SPRED2: variants seen among roughly 807,000 people sequenced by gnomAD.
The protein encoded by SPRED2 is sprouty related EVH1 domain containing 2.
In SPRED2, 47 loss-of-function variants were observed where a neutral mutation model predicts 43.0. The observed-to-expected ratio is 1.09, with a 90% confidence interval of 0.87 to 1.40. The LOEUF is 1.40. Among genes scored for constraint, SPRED2 ranks in the 40% most tolerant of loss-of-function variants. The pLI is 0.00. For synonymous variants in SPRED2, 225 were observed against 225.7 expected, an observed-to-expected ratio of 1.00 and a Z score of 0.03; for missense variants, 561 against 586.4, an observed-to-expected ratio of 0.96 and a Z score of 0.45.
At chr2:65,308,600 G>A, downstream of SPRED2, 1 of 985,092 alleles carries the variant, frequency 1.0e-6, no homozygotes, top group Non-Finnish European at 1.2e-6. Flanking sequence ...GACTGAGAAA[G>A]GAACTAGCAT....
chr2:65,430,593 T>C (rs986866454), intron 1 of SPRED2, among the ~76,000 whole-genome samples: 6 of 152,300 alleles, frequency 3.9e-5, no homozygotes, highest in African/African-American at 1.2e-4. Context: ...CCCAGCACTC[T>C]TGAGGCTCAA....
chr2:65,404,201 G>A (rs903967688), intron 1 of SPRED2, among the ~76,000 whole-genome samples: 6 of 114,178 alleles, frequency 5.3e-5, no homozygotes, highest in South Asian at 2.9e-4. Context: ...GTGAGACTCC[G>A]TCTCAAAAAA....
chr2:65,392,994 G>A (rs565641554), intron 1 of SPRED2, among the ~76,000 whole-genome samples: 1 of 152,162 alleles, frequency 6.6e-6, no homozygotes, highest in Non-Finnish European at 1.5e-5. Context: ...AAGGAACTTC[G>A]AGGAGCCTGC....
intron 1 of SPRED2, chr2:65,366,887 C>G: frequency 1.4e-6 from 1 of 705,322 alleles, no homozygotes. Flanking sequence ...CTGACAGATG[C>G]GTTTTCCAAT....
intron 1 of SPRED2, among the ~76,000 whole-genome samples, chr2:65,405,215 G>C (rs1488017274): frequency 2.0e-5 from 3 of 152,192 alleles, no homozygotes; most frequent in Admixed American, 1.3e-4. Flanking sequence ...GCAGAATCAG[G>C]ACTTAATGAC....
At chr2:65,308,096 G>C (rs1259374715), downstream of SPRED2, among the ~76,000 whole-genome samples, 1 of 152,214 alleles carries the variant, frequency 6.6e-6, no homozygotes, top group African/African-American at 2.4e-5. Context: ...TTTCTGGGGG[G>C]TGTCCACCAT....
In SPRED2 at chr2:65,344,799, C is replaced by T. The variant is rs1379401472; in HGVS notation, c.124G>A (p.Gly42Arg). 2 of 1,614,008 alleles carry T rather than the reference C, an allele frequency of 1.2e-6. No individual in the cohort carries two copies. Among genetic ancestry groups the T allele is most frequent in the African/African-American group, 1.3e-5 (1 of 74,914 alleles). The part of the protein sequence containing the change: ...PQEGGGISRV[G>R]VCKVMHPEGN... ...TCGGGGTGCATGACCTTACAGACCCCGACGCGACTGATCCCGCCTCCTTCC... is the reference window on the plus strand; with the variant it reads ...TCGGGGTGCATGACCTTACAGACCCTGACGCGACTGATCCCGCCTCCTTCC... The change falls in exon 2 of 6, where the codon GGG (glycine) becomes AGG (arginine). Residue 42 changes from glycine (G) to arginine (R), a missense_variant. Gly to Arg is a moderately radical substitution (Grantham distance 125). Around this residue, in one of 6 missense-constraint regions of SPRED2, gnomAD observed 305 missense variants for 282.4 expected, o/e 1.08. Transcript: ENST00000356388.
intron 1 of SPRED2, among the ~76,000 whole-genome samples, chr2:65,402,062 G>T (rs373633440): frequency 6.6e-6 from 1 of 151,308 alleles, no homozygotes; most frequent in Admixed American, 6.6e-5. Context: ...TCTGTGCAGG[G>T]AGGCCAGGAG....
rs757268344 is a variant in SPRED2, at chr2:65,316,900, A to G, written c.439-17T>C. On this transcript the variant is annotated splice_polypyrimidine_tract_variant and intron_variant, in intron 4 of 5. Transcript: ENST00000356388. ...TGTAGCTGTCTGTGTAGAGGGAGGT[A>G]ACCAAGAGTCAATTTAAAAACAACA... 9 of 1,598,554 alleles carry G rather than the reference A, an allele frequency of 5.6e-6. No individual in the cohort carries two copies. Among genetic ancestry groups the G allele is most frequent in the South Asian group, 5.5e-5 (5 of 90,312 alleles).
chr2:65,356,557 T>TTG lies in SPRED2; in HGVS notation c.27-11663_27-11662dup, dbSNP rs72469383. ...CCCTCTTTTTTTTTTTTTTTTTTTT[T>TTG]TGTGTGTGTGTACCTGCTATCTACC... On this transcript the variant is annotated intron_variant, in intron 1 of 5. Coordinates refer to ENST00000356388, the MANE Select transcript of SPRED2 (RefSeq NM_181784.3). Among the ~76,000 whole-genome samples the TTG allele has an allele frequency of 1.5e-3, 188 of 122,628 alleles. 3 individuals carry two copies. The highest frequency in any genetic ancestry group is 2.2e-3 in the African/African-American group (63 of 28,542). 80.4% of individuals were successfully genotyped at this position (122,628 alleles called of 152,430 possible).
chr2:65,308,579 A>T (rs1004855408), downstream of SPRED2: 1 of 985,324 alleles, frequency 1.0e-6, no homozygotes, highest in African/African-American at 1.7e-5. Context: ...AGGGCCTCAG[A>T]ATAAAAAAGG....
At chr2:65,414,730 CT>C (rs1463403676) in intron 1 of SPRED2, among the ~76,000 whole-genome samples, 1 of 152,200 alleles carries the variant, frequency 6.6e-6, no homozygotes, top group Non-Finnish European at 1.5e-5. Flanking sequence ...AGATGCAAGA[CT>C]TTGGCCATTA....
Position 65,432,089 on chromosome 2 carries a change from T to C in SPRED2, c.-102A>G, listed in dbSNP as rs1668876852. ...CTTCACATCTCCGGAGATCGCCTGA[T>C]TTGGGGAGGGGGGGCGGCTAGAGAT... On this transcript the variant is annotated 5_prime_UTR_variant, in exon 1 of 6. Transcript: ENST00000356388. The C allele has an allele frequency of 6.8e-7, 1 of 1,478,724 alleles. No homozygotes were observed. The highest frequency in any genetic ancestry group is 9.3e-7 in the Non-Finnish European group (1 of 1,070,842). The allele number at this position is 1,478,724 out of a possible 1,614,324, so 91.6% of individuals were successfully genotyped here.
chr2:65,382,234 G>C (rs1340373754), intron 1 of SPRED2, among the ~76,000 whole-genome samples: 2 of 151,992 alleles, frequency 1.3e-5, no homozygotes, highest in Non-Finnish European at 2.9e-5. Context: ...TCCCATGTGG[G>C]ACAGAAGGGA....
At chr2:65,371,803 C>T (rs916411670) in intron 1 of SPRED2, among the ~76,000 whole-genome samples, 21 of 151,944 alleles carry the variant, frequency 1.4e-4, no homozygotes, top group Admixed American at 6.6e-5. Context: ...CAACCGGGCG[C>T]GGTGGCTCAC....
At chr2:65,332,720 T>C (rs1240921050) in intron 3 of SPRED2, among the ~76,000 whole-genome samples, 1 of 152,208 alleles carries the variant, frequency 6.6e-6, no homozygotes, top group Admixed American at 6.5e-5. Context: ...CCTTATTCCA[T>C]CATGGAACCA....
intron 1 of SPRED2, among the ~76,000 whole-genome samples, chr2:65,431,659 G>T (rs1488971569): frequency 6.6e-6 from 1 of 152,164 alleles, no homozygotes. Context: ...GATTTCGGGG[G>T]CGGGGGAGCT....
At chr2:65,403,337 C>A (rs554042056) in intron 1 of SPRED2, among the ~76,000 whole-genome samples, 1 of 152,220 alleles carries the variant, frequency 6.6e-6, no homozygotes, top group African/African-American at 2.4e-5. Context: ...GTGGTGCATG[C>A]ATCAAAGCTC....
At chr2:65,420,088 T>C (rs1050551999) in intron 1 of SPRED2, among the ~76,000 whole-genome samples, 2 of 151,520 alleles carry the variant, frequency 1.3e-5, no homozygotes, top group African/African-American at 4.9e-5. Context: ...CGCTTGCCTG[T>C]AGACCCAGCT....
Sources: allele counts gnomAD v4.1 joint callset (sites outside exome capture counted in the v4.1 genomes callset), GRCh38; gene constraint gnomAD v4.1.1; regional missense constraint gnomAD v4.1.1; transcripts MANE v1.5; gene names NCBI Gene and HGNC (gene_info 2026-07-23, HGNC 2026-07-21).